Variants in MBNL2 observed in about 807,000 individuals in gnomAD.
The protein encoded by MBNL2 is muscleblind-like protein 2.
In MBNL2, 17 loss-of-function variants were observed where a neutral mutation model predicts 41.9. The ratio of observed to expected loss-of-function variants is 0.41; its 90% CI spans 0.28 to 0.61. MBNL2 has a LOEUF of 0.61. Among genes scored for constraint, MBNL2 ranks in the 20% least tolerant of loss-of-function variants. MBNL2 has a pLI of 0.35. For synonymous variants in MBNL2, 195 were observed against 182.9 expected (o/e 1.07, Z -0.53); for missense variants, 336 against 505.6 (o/e 0.66, Z 3.22).
chr13:97,380,387 G>A (rs185444412), intron 8 of MBNL2, among the ~76,000 whole-genome samples: 6 of 152,010 alleles, frequency 3.9e-5, no homozygotes, highest in African/African-American at 7.3e-5. Flanking sequence ...CCAGCTACTC[G>A]GGAGGCTGAG....
the MBNL2 span, among the ~76,000 whole-genome samples, chr13:97,148,773 C>T: frequency 6.6e-6 from 1 of 152,076 alleles, no homozygotes; most frequent in East Asian, 1.9e-4. Context: ...TAGTGAATGT[C>T]GTTCATAAGA....
At chr13:97,376,317 C>T (rs768119677) in intron 8 of MBNL2, among the ~76,000 whole-genome samples, 4 of 152,140 alleles carry the variant, frequency 2.6e-5, no homozygotes, top group South Asian at 2.1e-4. Flanking sequence ...TGTCACATAA[C>T]GCTCCTATGA....
At chr13:97,289,533 G>A (rs2055386952) in intron 2 of MBNL2, among the ~76,000 whole-genome samples, 1 of 152,164 alleles carries the variant, frequency 6.6e-6, no homozygotes, top group Admixed American at 6.5e-5. Flanking sequence ...TCTTAATGAA[G>A]AATTCTAGTA....
chr13:97,327,378 T>C (rs1194179684), intron 2 of MBNL2, among the ~76,000 whole-genome samples: 1 of 151,998 alleles, frequency 6.6e-6, no homozygotes, highest in Non-Finnish European at 1.5e-5. Flanking sequence ...CCCCTTTTAC[T>C]AGATTAGGAG....
the MBNL2 span, among the ~76,000 whole-genome samples, chr13:97,178,214 A>G: frequency 6.6e-6 from 1 of 152,244 alleles, no homozygotes; most frequent in Non-Finnish European, 1.5e-5. Flanking sequence ...AAGAGGCTAG[A>G]TGGAGGATGA....
chr13:97,263,573 T>G (rs12584466), intron 1 of MBNL2, among the ~76,000 whole-genome samples: 4,438 of 152,282 alleles, frequency 0.029, 173 homozygotes, highest in African/African-American at 0.092. Flanking sequence ...GATTTTGATG[T>G]CTTGCAATGG....
chr13:97,188,865 A>G, the MBNL2 span, among the ~76,000 whole-genome samples: 1 of 152,012 alleles, frequency 6.6e-6, no homozygotes, highest in Non-Finnish European at 1.5e-5. Context: ...CTTTATTTTC[A>G]GCCAAGACTG....
intron 2 of MBNL2, among the ~76,000 whole-genome samples, chr13:97,287,086 T>TAC (rs1463122769): frequency 6.6e-6 from 1 of 152,208 alleles, no homozygotes; most frequent in African/African-American, 2.4e-5. Context: ...CCCATTAATG[T>TAC]ACAAACAGAA....
chr13:97,203,567 T>G, the MBNL2 span, among the ~76,000 whole-genome samples: 1 of 152,164 alleles, frequency 6.6e-6, no homozygotes, highest in Non-Finnish European at 1.5e-5. Flanking sequence ...CTCTATGCCT[T>G]GCTTCCTTAC....
At chr13:97,333,079 TA>T (rs1351566471) in intron 2 of MBNL2, among the ~76,000 whole-genome samples, 1 of 152,194 alleles carries the variant, frequency 6.6e-6, no homozygotes, top group Non-Finnish European at 1.5e-5. Flanking sequence ...TGTTTAGAAT[TA>T]GGATGACTAT....
the MBNL2 span, among the ~76,000 whole-genome samples, chr13:97,201,477 A>G: frequency 2.6e-5 from 4 of 152,228 alleles, no homozygotes; most frequent in Non-Finnish European, 5.9e-5. Context: ...ATGGATGGAT[A>G]GATAGACAAA....
At chr13:97,167,980 T>A in the MBNL2 span, among the ~76,000 whole-genome samples, 1 of 152,212 alleles carries the variant, frequency 6.6e-6, no homozygotes, top group Non-Finnish European at 1.5e-5. Context: ...TATATTTTTT[T>A]TTGAGATGGA....
At chr13:97,338,596 C>A (rs1404788390) in intron 3 of MBNL2, among the ~76,000 whole-genome samples, 1 of 152,100 alleles carries the variant, frequency 6.6e-6, no homozygotes, top group African/African-American at 2.4e-5. Flanking sequence ...CTTTTCTCTC[C>A]CCAATTCCTG....
chr13:97,155,433 A>G, the MBNL2 span, among the ~76,000 whole-genome samples: 1,210 of 148,822 alleles, frequency 8.1e-3, 17 homozygotes, highest in African/African-American at 0.029. Context: ...TTTAGGGTAC[A>G]CGTGCACATT....
At chr13:97,147,630 G>C in the MBNL2 span, among the ~76,000 whole-genome samples, 1 of 152,158 alleles carries the variant, frequency 6.6e-6, no homozygotes, top group African/African-American at 2.4e-5. Flanking sequence ...CAATGAAAAT[G>C]ACAGCTTTCT....
chr13:97,191,618 T>C, the MBNL2 span, among the ~76,000 whole-genome samples: 1 of 152,180 alleles, frequency 6.6e-6, no homozygotes, highest in Non-Finnish European at 1.5e-5. Context: ...AGGCAAAATG[T>C]AAGAAGAATA....
At chr13:97,211,628 A>G in the MBNL2 span, among the ~76,000 whole-genome samples, 1 of 152,226 alleles carries the variant, frequency 6.6e-6, no homozygotes, top group South Asian at 2.1e-4. Context: ...TGACATCAGC[A>G]TCAGAATGCT....
chr13:97,320,319 G>A (rs2059395965), intron 2 of MBNL2, among the ~76,000 whole-genome samples: 1 of 151,244 alleles, frequency 6.6e-6, no homozygotes. Flanking sequence ...CAGTGCAATG[G>A]TGCGATCTCG....
At chr13:97,264,351 A>T (rs1183882777) in intron 1 of MBNL2, among the ~76,000 whole-genome samples, 4 of 152,198 alleles carry the variant, frequency 2.6e-5, no homozygotes, top group Admixed American at 2.6e-4. Flanking sequence ...TTAACTTGTT[A>T]GGAACTTCAT....
Sources: gnomAD v4.1 joint callset for allele counts (sites outside exome capture counted in the v4.1 genomes callset) on GRCh38, gnomAD v4.1.1 for gene constraint, MANE v1.5 for transcripts, NCBI Gene and HGNC (gene_info 2026-07-23, HGNC 2026-07-21) for gene names.